Variants in STRN4 observed in about 807,000 individuals in gnomAD.
The protein encoded by STRN4 is striatin 4.
A neutral mutation model predicts 77.9 loss-of-function variants in STRN4; 27 were observed. The ratio of observed to expected loss-of-function variants is 0.35; its 90% CI spans 0.26 to 0.48. STRN4 has a LOEUF of 0.48. STRN4 is among the 20% of genes least tolerant of loss of function. The pLI is 0.99. For synonymous variants in STRN4, 466 were observed against 443.1 expected (o/e 1.05, Z -0.65); for missense variants, 798 against 1,049.7 (o/e 0.76, Z 3.31).
intron 17 of STRN4, 41 bp downstream of exon 17, chr19:46,720,495 T>C (rs901115953): frequency 5.1e-5 from 67 of 1,303,976 alleles, no homozygotes; most frequent in Non-Finnish European, 6.5e-5. Context: ...GTACTAGGCA[T>C]GGGCGTGCAG....
In STRN4 at chr19:46,728,706, A is replaced by G; in HGVS notation, c.951T>C (p.Asn317=). Residue 317 remains asparagine (N), a synonymous_variant, in exon 7 of 18, where the codon AAT becomes AAC. Transcript: ENST00000263280. ...DEEDDSEDAI[N]EFDFLGSGED... ...CTCCTGAGCCCAGGAAATCAAACTC[A>G]TTGATAGCATCCTCAGAGTCGTCTT... 1 of 1,614,060 alleles carries G rather than the reference A, an allele frequency of 6.2e-7. No homozygotes were observed.
chr19:46,724,656 G>A (rs1048819262), intron 12 of STRN4, 151 bp downstream of exon 12: 13 of 1,208,154 alleles, frequency 1.1e-5, no homozygotes, highest in Middle Eastern at 4.9e-4. Flanking sequence ...GCGCTGCATC[G>A]CGCTGCTCAC....
chr19:46,730,938 G>A, intron 5 of STRN4, 65 bp from the exon 6 acceptor site: 2 of 1,588,786 alleles, frequency 1.3e-6, no homozygotes, highest in East Asian at 2.2e-5. Flanking sequence ...AGATAGGAAG[G>A]TGCCCTCCCA....
rs781263228 is a variant in STRN4 at position 46,725,301 on chromosome 19, G to A, written c.1472+31C>T. ...AGGAGTCAGGCTGCATTTAGGACGAGTTTCTAGCAGGCTCAGGGGCACCTC... is the reference window on the plus strand; with the variant it reads ...AGGAGTCAGGCTGCATTTAGGACGAATTTCTAGCAGGCTCAGGGGCACCTC... On this transcript the variant is annotated intron_variant, in intron 11 of 17. Transcript: ENST00000263280. 18 of 1,613,870 alleles carry A rather than the reference G, an allele frequency of 1.1e-5. 1 individual carries two copies. In the South Asian group the frequency reaches 1.9e-4, roughly 17 times the overall value.
Position 46,719,776 on chromosome 19 carries a change from A to T in STRN4, c.*629T>A, listed in dbSNP as rs866015689. Reference sequence around the variant, plus strand: ...TTCAGGGGGACCCGAGGCCCACTCCACCCTCCATGCCCCAGGGAGGGGCAC... The same window carrying T: ...TTCAGGGGGACCCGAGGCCCACTCCTCCCTCCATGCCCCAGGGAGGGGCAC... On this transcript the variant is annotated 3_prime_UTR_variant, in exon 18 of 18. Transcript: ENST00000263280. 6.6e-6 allele frequency: 1 copy of T among 152,044 alleles called. No individual in the cohort carries two copies. Among genetic ancestry groups the T allele is most frequent in the Non-Finnish European group, 1.5e-5 (1 of 67,952 alleles). 9.4% of individuals were successfully genotyped at this position (152,044 alleles called of 1,614,324 possible). A position where few individuals can be genotyped will look rare whatever the true frequency, so the allele number is the denominator to read the frequency against.
intron 7 of STRN4, 147 bp from the exon 8 acceptor site, chr19:46,728,154 AGAG>A: frequency 2.5e-6 from 2 of 801,852 alleles, no homozygotes; most frequent in Admixed American, 4.0e-5. Context: ...TGGGCAGAGG[AGAG>A]GAGGTTGATT....
At position 46,746,346 on chromosome 19, in the gene STRN4, T is replaced by G; in HGVS notation, c.85A>C (p.Thr29Pro). 1 of 1,246,244 alleles carries G rather than the reference T, an allele frequency of 8.0e-7. No homozygotes were observed. The allele number at this position is 1,246,244 out of a possible 1,614,324, so 77.2% of individuals were successfully genotyped here. The change falls in exon 1 of 18, where the codon ACT (threonine) becomes CCT (proline). Residue 29 changes from threonine (T) to proline (P), a missense_variant. By Grantham distance (38) the Thr-to-Pro change is conservative. Transcript: ENST00000263280. ...PLGSGAGPGPTGAAPVSAPAP... is the reference protein window; with the variant it reads ...PLGSGAGPGPPGAAPVSAPAP... ...GGGGCGGAGACCGGGGCCGCCCCAGTGGGGCCAGGGCCCGCGCCTGAGCCG... is the reference window on the plus strand; with the variant it reads ...GGGGCGGAGACCGGGGCCGCCCCAGGGGGGCCAGGGCCCGCGCCTGAGCCG...
intron 4 of STRN4, 71 bp downstream of exon 4, chr19:46,736,752 G>A: frequency 1.4e-6 from 2 of 1,455,050 alleles, no homozygotes; most frequent in Non-Finnish European, 1.9e-6. Context: ...AAAGGACTGT[G>A]GAGTCTTTGG....
intron 1 of STRN4, 118 bp downstream of exon 1, chr19:46,746,031 G>GCC (rs1272490498): frequency 3.2e-5 from 37 of 1,142,472 alleles, no homozygotes; most frequent in South Asian, 2.2e-4. Context: ...GTCCCCTCCC[G>GCC]CCCCCCCGCC....
intron 1 of STRN4, 102 bp downstream of exon 1, chr19:46,746,047 T>C (rs2054589774): frequency 1.5e-6 from 1 of 684,604 alleles, no homozygotes; most frequent in Non-Finnish European, 1.9e-6. Context: ...CCGCCGGCCG[T>C]CCCGGCGGCC....
At chr19:46,729,173 C>T (rs754099795) in intron 6 of STRN4, among the ~76,000 whole-genome samples, 2 of 152,238 alleles carry the variant, frequency 1.3e-5, no homozygotes, top group Non-Finnish European at 2.9e-5. Context: ...GCGATAAACA[C>T]AGCACCAGCA....
chr19:46,738,930 A>G lies in STRN4; in HGVS notation c.283-42T>C, dbSNP rs754561001. On this transcript the variant is annotated intron_variant, in intron 1 of 17. Coordinates refer to ENST00000263280, the MANE Select transcript of STRN4 (RefSeq NM_013403.3). The surrounding 1 kb of genome is among the most constrained non-coding windows in gnomAD (Gnocchi z 4.5). ...GAGGCAAAGGGAGATAATGGGGCTC[A>G]GGCTCAATGCCGGTGTGTCTATCAC... 1 of 1,553,462 alleles carries G rather than the reference A, an allele frequency of 6.4e-7. No homozygotes were observed. Among genetic ancestry groups the G allele is most frequent in the South Asian group, 1.1e-5 (1 of 89,908 alleles).
At chr19:46,736,462 G>A (rs1192352846) in intron 4 of STRN4, 5 of 194,876 alleles carry the variant, frequency 2.6e-5, no homozygotes, top group Admixed American at 2.1e-4. Flanking sequence ...TATTACCCTT[G>A]GGAAATAAAA....
Position 46,723,218 on chromosome 19 carries a change from G to T in STRN4, c.1661C>A (p.Pro554His). 6.4e-7 allele frequency: 1 copy of T among 1,553,568 alleles called. No individual in the cohort carries two copies. The highest frequency in any genetic ancestry group is 8.7e-7 in the Non-Finnish European group (1 of 1,149,250). ...ACAGGAGGCCAGGCGCTGGGAGGTG[G>T]GACTGAAGGCCAGGCCCCACACGGC... ...GDAVWGLAFS[P>H]TSQRLASCSA... is the part of the protein sequence containing the mutation. Residue 554 changes from proline to histidine, a missense_variant, in exon 13 of 18, where the codon CCC becomes CAC. Pro to His is a moderately conservative substitution (Grantham distance 77, BLOSUM62 -2). This residue lies in a region of STRN4 where 287 missense variants were observed against 473.8 expected (regional missense o/e 0.61). Transcript: ENST00000263280. The surrounding 1 kb of genome is among the most constrained non-coding windows in gnomAD (Gnocchi z 5.5).
intron 11 of STRN4, 109 bp downstream of exon 11, chr19:46,725,223 C>CCCTGCTGT: frequency 6.8e-7 from 1 of 1,480,000 alleles, no homozygotes; most frequent in African/African-American, 1.4e-5. Context: ...ACTCAGAGCC[C>CCCTGCTGT]CCTGCTGTCC....
chr19:46,721,966 G>T lies in STRN4; in HGVS notation c.2092+20C>A. 1 of 1,613,052 alleles carries T rather than the reference G, an allele frequency of 6.2e-7. No homozygotes were observed. The highest frequency in any genetic ancestry group is 1.1e-5 in the South Asian group (1 of 91,038). ...CTCCCCTTCTCCCCAACCCTGGTGGGACTAGTGTGCTCAACTTACTTCCTG... is the reference window on the plus strand; with the variant it reads ...CTCCCCTTCTCCCCAACCCTGGTGGTACTAGTGTGCTCAACTTACTTCCTG... On this transcript the variant is annotated intron_variant, in intron 16 of 17. Transcript: ENST00000263280.
chr19:46,724,445 C>T (rs2054058364), intron 12 of STRN4, among the ~76,000 whole-genome samples: 1 of 152,210 alleles, frequency 6.6e-6, no homozygotes, highest in African/African-American at 2.4e-5. Context: ...CGCAGAGACC[C>T]TGGCGGATCC....
At chr19:46,730,959 C>A (rs1394117030) in intron 5 of STRN4, 86 bp from the exon 6 acceptor site, 3 of 1,566,940 alleles carry the variant, frequency 1.9e-6, no homozygotes, top group East Asian at 2.2e-5. Flanking sequence ...GGCTTGGTGG[C>A]CAGAGCCCAG....
chr19:46,739,882 T>A (rs1314638456), intron 1 of STRN4, among the ~76,000 whole-genome samples: 1 of 152,238 alleles, frequency 6.6e-6, no homozygotes, highest in Non-Finnish European at 1.5e-5. Flanking sequence ...AAATGCCAGC[T>A]TCTACTTCTT....
Sources: allele counts gnomAD v4.1 joint callset (sites outside exome capture counted in the v4.1 genomes callset), GRCh38; gene constraint gnomAD v4.1.1; regional missense constraint gnomAD v4.1.1; non-coding constraint Gnocchi (gnomAD v3.1); transcripts MANE v1.5; gene names NCBI Gene and HGNC (gene_info 2026-07-23, HGNC 2026-07-21).